Variants in ZSWIM4 observed in about 807,000 individuals in gnomAD.
The protein encoded by ZSWIM4 is zinc finger SWIM-type containing 4.
A neutral mutation model predicts 102.5 loss-of-function variants in ZSWIM4; 62 were observed. The observed-to-expected ratio is 0.60, with a 90% CI of 0.49 to 0.75. The LOEUF (loss-of-function observed/expected upper bound fraction) is 0.75. Among genes scored for constraint, ZSWIM4 ranks in the 30% least tolerant of loss-of-function variants. The pLI is 0.00. For missense variants in ZSWIM4, 1,280 were observed against 1,529.6 expected, an observed-to-expected ratio of 0.84 and a Z score of 2.72; for synonymous variants, 652 against 674.5, an observed-to-expected ratio of 0.97 and a Z score of 0.52.
intron 3 of ZSWIM4, among the ~76,000 whole-genome samples, chr19:13,807,303 A>G (rs1391437331): frequency 6.7e-6 from 1 of 149,700 alleles, no homozygotes. Flanking sequence ...GGGTATGGAC[A>G]TGTGGATGAA....
chr19:13,830,463 G>GCGGCGGC lies in ZSWIM4; in HGVS notation c.2743_2749dup (p.Leu917ArgfsTer251), dbSNP rs1248417300. The GCGGCGGC allele has an allele frequency of 6.2e-7, 1 of 1,603,872 alleles. No homozygotes were observed. Among genetic ancestry groups the GCGGCGGC allele is most frequent in the Non-Finnish European group, 8.5e-7 (1 of 1,179,752 alleles). On this transcript the variant is annotated frameshift_variant, in exon 14 of 14. Transcript: ENST00000590508. LOFTEE classifies it high-confidence loss of function. ...GGCGGCCTACCAGATCGTGCTGGAC[G>GCGGCGGC]CGGCGGCCGGCGGCCTGGGCCACGC...
Position 13,813,171 on chromosome 19 carries a change from G to C in ZSWIM4, c.1180+7G>C. ...ACCATGGCCCCCGCCCCAGGTAGGA[G>C]AGAGGGGTCTTTACCATGCCCCCCA... On this transcript the variant is annotated splice_region_variant and intron_variant, in intron 6 of 13. Coordinates refer to ENST00000590508, the MANE Select transcript of ZSWIM4 (RefSeq NM_001367834.3). 1.2e-6 allele frequency: 2 copies of C among 1,606,336 alleles called. No homozygotes were observed. Among genetic ancestry groups the C allele is most frequent in the Non-Finnish European group, 1.7e-6 (2 of 1,174,974 alleles).
intron 2 of ZSWIM4, among the ~76,000 whole-genome samples, chr19:13,803,102 G>T (rs1161500747): frequency 6.6e-6 from 1 of 152,252 alleles, no homozygotes; most frequent in Non-Finnish European, 1.5e-5. Flanking sequence ...CCAGCTAGAG[G>T]TCGGGGCTGG....
At position 13,818,619 on chromosome 19, in the gene ZSWIM4, A is replaced by G. The variant is rs545285531; in HGVS notation, c.1924+643A>G. Among the ~76,000 whole-genome samples the G allele has an allele frequency of 4.6e-5, 7 of 152,272 alleles. No individual in the cohort carries two copies. The East Asian group carries it at 1.4e-3, about 29-fold the overall frequency. On this transcript the variant is annotated intron_variant, in intron 9 of 13. Transcript: ENST00000590508. ...CACTCTGTCACCCAGGCTGGAGTGC[A>G]GTGGCGCGATCTCGGCTCACTGCAA... is the stretch of plus-strand genomic sequence containing the variant.
chr19:13,817,161 C>A, intron 7 of ZSWIM4, 55 bp from the exon 8 acceptor site: 1 of 1,565,256 alleles, frequency 6.4e-7, no homozygotes, highest in Non-Finnish European at 8.7e-7. Context: ...ATATCCCTCC[C>A]TCCTAGAGAC....
chr19:13,805,645 A>G (rs1388177188), intron 3 of ZSWIM4, among the ~76,000 whole-genome samples: 1 of 151,632 alleles, frequency 6.6e-6, no homozygotes. Flanking sequence ...GCATGGATGG[A>G]TGATGGAGGG....
In ZSWIM4 at chr19:13,819,400, C is replaced by T. The variant is rs776668396; in HGVS notation, c.1968C>T (p.Ser656=). The change falls in exon 10 of 14, where the codon AGC becomes AGT. Residue 656 remains serine, a synonymous_variant. Transcript: ENST00000590508. ...TTGGGGAGGTGCTGTTCCGGGAGAGCGTGCCCATGCACACCTGTGCCCGCT... is the reference window on the plus strand; with the variant it reads ...TTGGGGAGGTGCTGTTCCGGGAGAGTGTGCCCATGCACACCTGTGCCCGCT... ...SGFGEVLFRE[S]VPMHTCARYL... is the part of the protein sequence containing the mutation. 19 of 1,612,968 alleles carry T rather than the reference C, an allele frequency of 1.2e-5. No individual in the cohort carries two copies. The highest frequency in any genetic ancestry group is 2.7e-5 in the African/African-American group (2 of 74,926).
intron 9 of ZSWIM4, 41 bp downstream of exon 9, chr19:13,818,017 G>C (rs1399755623): frequency 6.8e-7 from 1 of 1,459,958 alleles, no homozygotes; most frequent in Non-Finnish European, 9.0e-7. Flanking sequence ...CTGAAGGGTA[G>C]GGTCCAGCCC....
In ZSWIM4 at chr19:13,808,986, T is replaced by C; in HGVS notation, c.861+2T>C. The stretch of plus-strand genomic sequence containing the variant: ...CAGCTGCGCTCCATGTTCAGCAAGG[T>C]GCCGTGCGGGCCGGCGGGGCGCGGG... On this transcript the variant is annotated splice_donor_variant, in intron 4 of 13. Coordinates refer to ENST00000590508, the MANE Select transcript of ZSWIM4 (RefSeq NM_001367834.3). LOFTEE classifies it high-confidence loss of function. 6.2e-7 allele frequency: 1 copy of C among 1,611,054 alleles called. No homozygotes were observed. The highest frequency in any genetic ancestry group is 8.5e-7 in the Non-Finnish European group (1 of 1,178,440).
chr19:13,804,701 G>A (rs995922771), intron 2 of ZSWIM4, 91 bp from the exon 3 acceptor site: 23 of 1,056,912 alleles, frequency 2.2e-5, no homozygotes, highest in South Asian at 6.1e-5. Flanking sequence ...GAAGTGACTC[G>A]GCTGGGCTTT....
chr19:13,803,737 G>A (rs1314276347), intron 2 of ZSWIM4, among the ~76,000 whole-genome samples: 5 of 148,174 alleles, frequency 3.4e-5, no homozygotes, highest in East Asian at 2.1e-4. Context: ...CCCAGGAGGC[G>A]GAGGTTGCAG....
In ZSWIM4 at chr19:13,804,932, GC is replaced by G; in HGVS notation, c.499del (p.His167ThrfsTer29). 1 of 1,613,478 alleles carries G rather than the reference GC, an allele frequency of 6.2e-7. No homozygotes were observed. Among genetic ancestry groups the G allele is most frequent in the Non-Finnish European group, 8.5e-7 (1 of 1,180,026 alleles). On this transcript the variant is annotated frameshift_variant, in exon 3 of 14. Transcript: ENST00000590508. LOFTEE classifies it high-confidence loss of function. ...TGACAACCGCGACCTCTTCTACTGT[GC>G]CCACGTGGTGGCCCTGTCCCTGTAC... Reference protein sequence around the residue: ...GCDNRDLFYCAHVVALSLYRI... With the variant: ...GCDNRDLFYCXHVVALSLYRI...
At chr19:13,803,931 A>G (rs1318132669) in intron 2 of ZSWIM4, among the ~76,000 whole-genome samples, 1 of 149,040 alleles carries the variant, frequency 6.7e-6, no homozygotes, top group Admixed American at 6.7e-5. Flanking sequence ...GTGCGATCTC[A>G]GCTCACTGCA....
chr19:13,819,749 A>G (rs1334353667), intron 10 of ZSWIM4, among the ~76,000 whole-genome samples: 1 of 151,242 alleles, frequency 6.6e-6, no homozygotes, highest in Non-Finnish European at 1.5e-5. Context: ...GCTCACTGCA[A>G]CCTCCACCTC....
chr19:13,814,710 G>C lies in ZSWIM4; in HGVS notation c.1376G>C (p.Trp459Ser). The C allele has an allele frequency of 7.8e-7, 1 of 1,288,160 alleles. No individual in the cohort carries two copies. Among genetic ancestry groups the C allele is most frequent in the Non-Finnish European group, 1.0e-6 (1 of 987,612 alleles). The allele number at this position is 1,288,160 out of a possible 1,614,324, so 79.8% of individuals were successfully genotyped here. ...TTCGACCCCCAGGGCCGCCCACTGT[G>C]GCTGGGAGAACCTTTCCCCACTGCC... ...PTFDPQGRPL[W>S]LGEPFPTACA... The change falls in exon 7 of 14, where the codon TGG (tryptophan) becomes TCG (serine). Residue 459 changes from tryptophan to serine, a missense_variant. Coordinates refer to ENST00000590508, the MANE Select transcript of ZSWIM4 (RefSeq NM_001367834.3).
At chr19:13,807,632 G>A (rs552788380) in intron 3 of ZSWIM4, among the ~76,000 whole-genome samples, 20 of 141,824 alleles carry the variant, frequency 1.4e-4, no homozygotes, top group African/African-American at 4.8e-4. Context: ...ATTACTACAG[G>A]GGAGATAGAT....
At chr19:13,816,642 A>C (rs1315111229) in intron 7 of ZSWIM4, among the ~76,000 whole-genome samples, 1 of 152,054 alleles carries the variant, frequency 6.6e-6, no homozygotes, top group Admixed American at 6.6e-5. Context: ...GAAAAAATTT[A>C]AAAAAAGAAA....
Position 13,795,541 on chromosome 19 carries a change from G to A in ZSWIM4, c.-108G>A, listed in dbSNP as rs372250403. 6.0e-4 allele frequency: 127 copies of A among 212,922 alleles called. No homozygotes were observed. The East Asian group carries it at 0.012, about 20-fold the overall frequency. The allele number at this position is 212,922 out of a possible 1,614,324, so 13.2% of individuals were successfully genotyped here. A position where few individuals can be genotyped will look rare whatever the true frequency, so the allele number is the denominator to read the frequency against. On this transcript the variant is annotated 5_prime_UTR_variant, in exon 1 of 14. Coordinates refer to ENST00000590508, the MANE Select transcript of ZSWIM4 (RefSeq NM_001367834.3). ...GGTCCCGGGGCGGCCGAGCGCAGAG[G>A]ACGGACGGGAAGGAGGGCAGGGGGC...
At chr19:13,816,269 G>A (rs1975286249) in intron 7 of ZSWIM4, among the ~76,000 whole-genome samples, 1 of 152,276 alleles carries the variant, frequency 6.6e-6, no homozygotes, top group Middle Eastern at 3.4e-3. Flanking sequence ...AGGCTTGGCA[G>A]CATCAGTGAA....
Sources: allele counts gnomAD v4.1 joint callset (sites outside exome capture counted in the v4.1 genomes callset), GRCh38; gene constraint gnomAD v4.1.1; transcripts MANE v1.5; gene names NCBI Gene and HGNC (gene_info 2026-07-23, HGNC 2026-07-21).